Variants in CSMD3 observed in about 807,000 individuals in gnomAD.
The protein encoded by CSMD3 is CUB and Sushi multiple domains 3, also known as CUB and sushi domain-containing protein 3.
A neutral mutation model predicts 435.2 loss-of-function variants in CSMD3; 177 were observed. The observed-to-expected ratio is 0.41, with a 90% confidence interval of 0.36 to 0.46. The LOEUF (loss-of-function observed/expected upper bound fraction) is 0.46, where lower values mean the gene tolerates loss of function less well. CSMD3 is among the 20% of genes least tolerant of loss of function. The pLI is 0.34. For missense variants in CSMD3, 4,265 were observed against 4,504.6 expected (o/e 0.95, Z 1.52); for synonymous variants, 1,656 against 1,520.5 (o/e 1.09, Z -2.07).
chr8:112,829,868 G>C (rs1006406835), intron 11 of CSMD3, 79 bp from the exon 12 acceptor site: 12 of 713,448 alleles, frequency 1.7e-5, no homozygotes, highest in Admixed American at 1.4e-4. Flanking sequence ...TGACAGAAAT[G>C]CATTCTTTGT....
intron 15 of CSMD3, among the ~76,000 whole-genome samples, chr8:112,682,951 T>C (rs916452917): frequency 6.6e-6 from 1 of 152,106 alleles, no homozygotes; most frequent in Admixed American, 6.6e-5. Flanking sequence ...ATATTTCCAG[T>C]ATAAGCTGGT....
At chr8:113,028,250 C>T (rs1317445554) in intron 5 of CSMD3, among the ~76,000 whole-genome samples, 1 of 145,410 alleles carries the variant, frequency 6.9e-6, no homozygotes, top group Non-Finnish European at 1.6e-5. Context: ...ACAAACTGTG[C>T]CCATGCAAGA....
At chr8:112,388,838 C>T (rs1302975663) in intron 36 of CSMD3, among the ~76,000 whole-genome samples, 1 of 151,814 alleles carries the variant, frequency 6.6e-6, no homozygotes. Flanking sequence ...AGACAAGGTC[C>T]CAGAGAGAGT....
Position 112,332,695 on chromosome 8 carries a change from G to T in CSMD3, c.7165+2634C>A, listed in dbSNP as rs541408623. ...ATCTCCATAGCTGTTGATTCAAACA[G>T]TAGGCTTCATTAGGCTCTGGCAATT... On this transcript the variant is annotated intron_variant, in intron 45 of 70. Coordinates refer to ENST00000297405, the MANE Select transcript of CSMD3 (RefSeq NM_198123.2). Among the ~76,000 whole-genome samples, 3 of 152,238 alleles carry T rather than the reference G, an allele frequency of 2.0e-5. No individual in the cohort carries two copies. The South Asian group carries it at 6.2e-4, about 32-fold the overall frequency.
At chr8:112,643,960 CT>C (rs1165937966) in intron 20 of CSMD3, among the ~76,000 whole-genome samples, 1 of 151,766 alleles carries the variant, frequency 6.6e-6, no homozygotes, top group Non-Finnish European at 1.5e-5. Flanking sequence ...GTAATAACAT[CT>C]TCTCATTGCT....
chr8:113,025,052 TATTATTTC>T (rs2086824862), intron 5 of CSMD3, among the ~76,000 whole-genome samples: 1 of 152,096 alleles, frequency 6.6e-6, no homozygotes, highest in South Asian at 2.1e-4. Context: ...CTGAAAAATA[TATTATTTC>T]TTTTTTTTTA....
chr8:112,851,281 T>C (rs1052669487), intron 11 of CSMD3, among the ~76,000 whole-genome samples: 7 of 152,050 alleles, frequency 4.6e-5, no homozygotes, highest in African/African-American at 1.7e-4. Flanking sequence ...AGAAAGGTAG[T>C]TTTTTGGCTT....
intron 10 of CSMD3, among the ~76,000 whole-genome samples, chr8:112,888,611 C>T (rs1395736496): frequency 6.6e-6 from 1 of 151,608 alleles, no homozygotes; most frequent in Non-Finnish European, 1.5e-5. Context: ...TCCAATGAAA[C>T]TTGTAAAATT....
chr8:112,453,918 T>C (rs1041607573), intron 32 of CSMD3, among the ~76,000 whole-genome samples: 1 of 152,092 alleles, frequency 6.6e-6, no homozygotes, highest in African/African-American at 2.4e-5. Context: ...AACAGACACA[T>C]AGACCAATGG....
chr8:113,272,464 T>G (rs749572940), intron 3 of CSMD3, among the ~76,000 whole-genome samples: 1 of 152,092 alleles, frequency 6.6e-6, no homozygotes, highest in South Asian at 2.1e-4. Flanking sequence ...TTATCAGGGG[T>G]TTCTGCTTTT....
At chr8:112,264,653 A>C (rs1020091219) in intron 60 of CSMD3, among the ~76,000 whole-genome samples, 2 of 152,152 alleles carry the variant, frequency 1.3e-5, no homozygotes, top group Non-Finnish European at 2.9e-5. Flanking sequence ...CAGAAGCTTA[A>C]TAATCAAGAA....
At chr8:112,450,350 T>C (rs923922244) in intron 32 of CSMD3, among the ~76,000 whole-genome samples, 2 of 152,214 alleles carry the variant, frequency 1.3e-5, no homozygotes, top group African/African-American at 4.8e-5. Context: ...CAGAATGGTG[T>C]ATATCACAAA....
chr8:113,015,482 AT>A (rs1369246364), intron 6 of CSMD3, among the ~76,000 whole-genome samples: 1 of 151,962 alleles, frequency 6.6e-6, no homozygotes, highest in Non-Finnish European at 1.5e-5. Context: ...AATGTAAGGA[AT>A]TTAGAGGCTT....
chr8:112,370,182 A>T (rs994308585), intron 38 of CSMD3, among the ~76,000 whole-genome samples: 1 of 152,180 alleles, frequency 6.6e-6, no homozygotes, highest in African/African-American at 2.4e-5. Flanking sequence ...TCAGATAAAC[A>T]TAATCATTGT....
At chr8:112,347,520 T>C (rs1266716633) in intron 40 of CSMD3, among the ~76,000 whole-genome samples, 1 of 152,198 alleles carries the variant, frequency 6.6e-6, no homozygotes, top group Non-Finnish European at 1.5e-5. Context: ...GTTTGACAAC[T>C]ATCTTTTGCT....
At chr8:113,185,616 CT>C (rs2092487190) in intron 3 of CSMD3, among the ~76,000 whole-genome samples, 1 of 152,012 alleles carries the variant, frequency 6.6e-6, no homozygotes, top group South Asian at 2.1e-4. Context: ...TAAACTTTCT[CT>C]GAGGAGGATA....
chr8:113,374,041 C>G (rs1174431804), intron 1 of CSMD3, among the ~76,000 whole-genome samples: 2 of 151,716 alleles, frequency 1.3e-5, no homozygotes, highest in Admixed American at 6.6e-5. Flanking sequence ...CTCCAAATTT[C>G]TCTCTCTCTC....
At chr8:112,612,520 C>T (rs1394741994) in intron 22 of CSMD3, among the ~76,000 whole-genome samples, 2 of 151,912 alleles carry the variant, frequency 1.3e-5, no homozygotes, top group East Asian at 1.9e-4. Context: ...AGCTGGAGAA[C>T]GGCAAGCAGA....
chr8:112,817,984 T>C (rs888459012), intron 12 of CSMD3, among the ~76,000 whole-genome samples: 1 of 151,952 alleles, frequency 6.6e-6, no homozygotes, highest in Non-Finnish European at 1.5e-5. Flanking sequence ...AAAATTTCTT[T>C]ATACTTCATA....
Sources: gnomAD v4.1 joint callset for allele counts (sites outside exome capture counted in the v4.1 genomes callset) on GRCh38, gnomAD v4.1.1 for gene constraint, MANE v1.5 for transcripts, NCBI Gene and HGNC (gene_info 2026-07-23, HGNC 2026-07-21) for gene names.